Variants in PCNT observed in about 807,000 individuals in gnomAD.
The protein encoded by PCNT is pericentrin, also known as kendrin.
In PCNT, 319 loss-of-function variants were observed where a neutral mutation model predicts 380.4. The observed-to-expected ratio is 0.84, with a 90% CI of 0.77 to 0.92. The LOEUF is 0.92. Among genes scored for constraint, PCNT ranks in the 40% least tolerant of loss-of-function variants. The probability of loss-of-function intolerance (pLI) is 0.00; values close to 1 mark genes in which losing one functional copy is unlikely to be tolerated. For synonymous variants in PCNT, 1,845 were observed against 1,735.2 expected, an observed-to-expected ratio of 1.06 and a Z score of -1.57; for missense variants, 4,400 against 4,255.3, an observed-to-expected ratio of 1.03 and a Z score of -0.95.
intron 3 of PCNT, among the ~76,000 whole-genome samples, chr21:46,335,712 A>G (rs1158043453): frequency 2.0e-5 from 3 of 147,216 alleles, no homozygotes; most frequent in Admixed American, 6.8e-5. Flanking sequence ...TTTTAAATAG[A>G]GACGGAGTCT....
At position 46,430,156 on chromosome 21, in the gene PCNT, C is replaced by T; in HGVS notation, c.7837C>T (p.Leu2613Phe). 2 of 1,614,218 alleles carry T rather than the reference C, an allele frequency of 1.2e-6. No homozygotes were observed. The highest frequency in any genetic ancestry group is 1.7e-6 in the Non-Finnish European group (2 of 1,180,036). The change falls in exon 36 of 47, where the codon CTC becomes TTC. Residue 2613 changes from leucine (L) to phenylalanine (F), a missense_variant. By Grantham distance (22) the Leu-to-Phe change is conservative. Transcript: ENST00000359568. Reference sequence around the variant, plus strand: ...TGTAGTGCGAGATTTGAAGTCCGACCTCTGTGAGAGCAGGCAGAAGAGCGA... The same window carrying T: ...TGTAGTGCGAGATTTGAAGTCCGACTTCTGTGAGAGCAGGCAGAAGAGCGA... ...QTVVRDLKSDLCESRQKSEQL... is the reference protein window; with the variant it reads ...QTVVRDLKSDFCESRQKSEQL...
chr21:46,380,377 G>A (rs2085485198), intron 15 of PCNT, among the ~76,000 whole-genome samples: 1 of 151,630 alleles, frequency 6.6e-6, no homozygotes, highest in Admixed American at 6.6e-5. Context: ...AGCCAGGATG[G>A]TCTCGATCTC....
chr21:46,404,453 G>T (rs2086564759), intron 27 of PCNT, among the ~76,000 whole-genome samples: 1 of 152,210 alleles, frequency 6.6e-6, no homozygotes, highest in Admixed American at 6.5e-5. Context: ...TGAACGAGCA[G>T]CTCTAGGCAC....
Position 46,432,202 on chromosome 21 carries a change from A to G in PCNT, c.8738A>G (p.Asp2913Gly), listed in dbSNP as rs754492911. Reference sequence around the variant, plus strand: ...GAGCAGTGGAGGAAGTGGCAGAGAGACAAGGAGAAGCTGGTGAGAGCCGCC... The same window carrying G: ...GAGCAGTGGAGGAAGTGGCAGAGAGGCAAGGAGAAGCTGGTGAGAGCCGCC... ...AAEQWRKWQR[D>G]KEKLRELELQ... Residue 2913 changes from aspartate (D) to glycine (G), a missense_variant, in exon 38 of 47, where the codon GAC becomes GGC. Asp to Gly is a moderately conservative substitution (Grantham distance 94). Transcript: ENST00000359568. 6.2e-7 allele frequency: 1 copy of G among 1,610,486 alleles called. No homozygotes were observed. Among genetic ancestry groups the G allele is most frequent in the Non-Finnish European group, 8.5e-7 (1 of 1,179,072 alleles).
chr21:46,359,484 TTTTTTTG>T lies in PCNT; in HGVS notation c.2154+2300_2154+2306del, dbSNP rs1286156544. 7.4e-3 allele frequency among the ~76,000 whole-genome samples: 606 copies of T among 82,290 alleles called. 71 individuals are homozygous for T. The highest frequency in any genetic ancestry group is 0.017 in the Middle Eastern group (3 of 176). The allele number at this position is 82,290 out of a possible 152,430, so 54.0% of individuals were successfully genotyped here. A position where few individuals can be genotyped will look rare whatever the true frequency, so the allele number is the denominator to read the frequency against. ...ATTCTGTCCAAAAATACACCTGTTT[TTTTTTTG>T]TTTTTTTTTTTTTTTTGAGACAGTG... On this transcript the variant is annotated intron_variant, in intron 13 of 46. Coordinates refer to ENST00000359568, the MANE Select transcript of PCNT (RefSeq NM_006031.6).
chr21:46,412,200 A>G lies in PCNT; in HGVS notation c.5994+133A>G, dbSNP rs539260964. 4.6e-5 allele frequency: 51 copies of G among 1,111,686 alleles called. No individual in the cohort carries two copies. The South Asian group carries it at 6.3e-4, about 14-fold the overall frequency. 68.9% of individuals were successfully genotyped at this position (1,111,686 alleles called of 1,614,324 possible). On this transcript the variant is annotated intron_variant, in intron 28 of 46. Coordinates refer to ENST00000359568, the MANE Select transcript of PCNT (RefSeq NM_006031.6). Reference sequence around the variant, plus strand: ...TGGTGGCTCATGACACAGCGGAGAAAGGGGGCCTGAAGCTCGGGCCAGCCT... The same window carrying G: ...TGGTGGCTCATGACACAGCGGAGAAGGGGGGCCTGAAGCTCGGGCCAGCCT...
chr21:46,357,491 G>A (rs2084519747), intron 13 of PCNT, among the ~76,000 whole-genome samples: 1 of 152,202 alleles, frequency 6.6e-6, no homozygotes, highest in African/African-American at 2.4e-5. Context: ...GCCCAGGCTG[G>A]AGTGCAGTGG....
At position 46,390,790 on chromosome 21, in the gene PCNT, G is replaced by A. The variant is rs149718202; in HGVS notation, c.3961G>A (p.Ala1321Thr). The A allele has an allele frequency of 2.1e-5, 34 of 1,611,672 alleles. No individual in the cohort carries two copies. Among genetic ancestry groups the A allele is most frequent in the Middle Eastern group, 2.0e-4 (1 of 5,126 alleles). Reference sequence around the variant, plus strand: ...GCTGGAGTGTTTGAAGGAGGAGAGCGCAGCAAAGGCAGAGCTGGCGCTGGA... The same window carrying A: ...GCTGGAGTGTTTGAAGGAGGAGAGCACAGCAAAGGCAGAGCTGGCGCTGGA... ...ELLECLKEES[A>T]AKAELALELH... The change falls in exon 20 of 47, where the codon GCA becomes ACA. Residue 1321 changes from alanine (A) to threonine (T), a missense_variant. By Grantham distance (58) the Ala-to-Thr change is moderately conservative. Coordinates refer to ENST00000359568, the MANE Select transcript of PCNT (RefSeq NM_006031.6).
In PCNT at chr21:46,445,751, ACT is replaced by A. The variant is rs997297090; in HGVS notation, c.*425_*426del. ...ACTCAAAAAGGAATAAAATTTAATC[ACT>A]GTTTTGTTTGTGAATAGCCCTTGTG... On this transcript the variant is annotated 3_prime_UTR_variant, in exon 47 of 47. Transcript: ENST00000359568. The A allele has an allele frequency of 1.8e-5, 3 of 171,166 alleles. No individual in the cohort carries two copies. Among genetic ancestry groups the A allele is most frequent in the East Asian group, 1.6e-4 (1 of 6,372 alleles). The allele number at this position is 171,166 out of a possible 1,614,324, so 10.6% of individuals were successfully genotyped here. A position where few individuals can be genotyped will look rare whatever the true frequency, so the allele number is the denominator to read the frequency against.
rs765873450 is a variant in PCNT at position 46,326,384 on chromosome 21, A to G, written c.62A>G (p.His21Arg). ...ATCTACATTTTTGCGCAGCTTGCTC[A>G]CTTCCGACAGAGAAAAACAAAAGGT... ...KVEAGRTKLA[H>R]FRQRKTKGDS... The change falls in exon 2 of 47, where the codon CAC (histidine) becomes CGC (arginine). Residue 21 changes from histidine (H) to arginine (R), a missense_variant. Transcript: ENST00000359568. 5 of 1,614,026 alleles carry G rather than the reference A, an allele frequency of 3.1e-6. No homozygotes were observed. The South Asian group carries it at 3.3e-5, about 11-fold the overall frequency.
Position 46,388,872 on chromosome 21 carries a change from G to T in PCNT, c.3595G>T (p.Ala1199Ser). Residue 1199 changes from alanine (A) to serine (S), a missense_variant, in exon 18 of 47, where the codon GCC becomes TCC. Ala to Ser is a moderately conservative substitution (Grantham distance 99). Transcript: ENST00000359568. The surrounding 1 kb of genome is among the most constrained non-coding windows in gnomAD (Gnocchi z 4.2). ...LCLDDAGAGLALSTAPALEET... is the reference protein window; with the variant it reads ...LCLDDAGAGLSLSTAPALEET... ...CCTGGATGACGCGGGCGCAGGCCTG[G>T]CCCTGTCGACAGGTGAGTGTGCCGG... is the stretch of plus-strand genomic sequence containing the variant. 6.2e-7 allele frequency: 1 copy of T among 1,603,984 alleles called. No individual in the cohort carries two copies. The highest frequency in any genetic ancestry group is 2.2e-5 in the East Asian group (1 of 44,790).
rs564524888 is a variant in PCNT, at chr21:46,371,856, ACAG to A, written c.3165+4720_3165+4722del. Among the ~76,000 whole-genome samples the A allele has an allele frequency of 2.0e-4, 30 of 150,006 alleles. No homozygotes were observed. The East Asian group carries it at 3.8e-3, about 19-fold the overall frequency. On this transcript the variant is annotated intron_variant, in intron 15 of 46. Transcript: ENST00000359568. The stretch of plus-strand genomic sequence containing the variant: ...CACAGCACATACAGCACATGTGCAC[ACAG>A]CATGTGTGCACACACACAGCACATG...
Position 46,412,884 on chromosome 21 carries a change from C to T in PCNT, c.6042C>T (p.Cys2014=). ...TGACGTTGAAGGATGCACCTCTCTG[C>T]AAGCAAGAAGGCGTGATGTCAGTGC... ...VLVTLKDAPL[C]KQEGVMSVLT... Residue 2014 remains cysteine (C), a synonymous_variant, in exon 29 of 47, where the codon TGC becomes TGT. Coordinates refer to ENST00000359568, the MANE Select transcript of PCNT (RefSeq NM_006031.6). The T allele has an allele frequency of 6.2e-7, 1 of 1,612,878 alleles. No homozygotes were observed. The highest frequency in any genetic ancestry group is 8.5e-7 in the Non-Finnish European group (1 of 1,180,024).
chr21:46,345,496 C>T (rs941154367), intron 3 of PCNT, among the ~76,000 whole-genome samples: 2 of 152,162 alleles, frequency 1.3e-5, no homozygotes, highest in Non-Finnish European at 2.9e-5. Flanking sequence ...GGATTATAGG[C>T]GTGAGCCACC....
chr21:46,351,871 G>A (rs1173805110), intron 9 of PCNT, among the ~76,000 whole-genome samples: 1 of 152,250 alleles, frequency 6.6e-6, no homozygotes, highest in Non-Finnish European at 1.5e-5. Context: ...ACGGTTGAGT[G>A]CTGTCCAAGT....
At chr21:46,396,259 GAC>G (rs1441448771) in intron 21 of PCNT, among the ~76,000 whole-genome samples, 3 of 152,234 alleles carry the variant, frequency 2.0e-5, no homozygotes, top group African/African-American at 7.2e-5. Context: ...ATTTATCACA[GAC>G]ACACGTTTGT....
Position 46,432,602 on chromosome 21 carries a change from C to T in PCNT, c.8751+387C>T, listed in dbSNP as rs9975860. On this transcript the variant is annotated intron_variant, in intron 38 of 46. Transcript: ENST00000359568. The stretch of plus-strand genomic sequence containing the variant: ...GGACAGTGTGAGGTCTTTTGATCCA[C>T]GATTACAGAATGTGTCTCTTCATTT... Among the ~76,000 whole-genome samples, 183 of 152,280 alleles carry T rather than the reference C, an allele frequency of 1.2e-3. 1 individual carries two copies. Among genetic ancestry groups the T allele is most frequent in the African/African-American group, 4.0e-3 (168 of 41,552 alleles).
At chr21:46,410,506 G>A (rs1035070810) in intron 27 of PCNT, among the ~76,000 whole-genome samples, 3 of 152,200 alleles carry the variant, frequency 2.0e-5, no homozygotes, top group Non-Finnish European at 2.9e-5. Context: ...AGAGTTTGGA[G>A]CTATATTGAC....
chr21:46,367,003 CG>C lies in PCNT; in HGVS notation c.3030del (p.Ile1011PhefsTer2). On this transcript the variant is annotated frameshift_variant, in exon 15 of 47. Transcript: ENST00000359568. LOFTEE classifies it high-confidence loss of function. Reference sequence around the variant, plus strand: ...TGGAAAAAGGACTCTCTTCACCAAACGATTTTGACTCAAGAGTTGGAGAAAC... The same window carrying C: ...TGGAAAAAGGACTCTCTTCACCAAACATTTTGACTCAAGAGTTGGAGAAAC... ...QLWKKDSLHQ[T>X]ILTQELEKLK... 2 of 1,614,176 alleles carry C rather than the reference CG, an allele frequency of 1.2e-6. No individual in the cohort carries two copies. The highest frequency in any genetic ancestry group is 1.7e-6 in the Non-Finnish European group (2 of 1,180,042).
Sources: gnomAD v4.1 joint callset for allele counts (sites outside exome capture counted in the v4.1 genomes callset) on GRCh38, gnomAD v4.1.1 for gene constraint, Gnocchi (gnomAD v3.1) non-coding constraint, MANE v1.5 for transcripts, NCBI Gene and HGNC (gene_info 2026-07-23, HGNC 2026-07-21) for gene names.